NYAP1: variants seen among roughly 807,000 people sequenced by gnomAD.
NYAP1 encodes neuronal tyrosine-phosphorylated phosphoinositide-3-kinase adapter 1.
Under a neutral mutation model 58.6 loss-of-function variants are expected in NYAP1, and 20 were observed. The observed-to-expected ratio is 0.34, with a 90% CI of 0.24 to 0.50. The LOEUF (loss-of-function observed/expected upper bound fraction) is 0.50, where lower values mean the gene tolerates loss of function less well. Among genes scored for constraint, NYAP1 ranks in the 20% least tolerant of loss-of-function variants. The pLI is 0.98. For synonymous variants in NYAP1, 572 were observed against 523.1 expected, an observed-to-expected ratio of 1.09 and a Z score of -1.27; for missense variants, 1,150 against 1,194.5, an observed-to-expected ratio of 0.96 and a Z score of 0.55.
At chr7:100,489,774 C>A in intron 4 of NYAP1, 108 bp downstream of exon 4, 3 of 832,184 alleles carry the variant, frequency 3.6e-6, no homozygotes, top group Non-Finnish European at 5.3e-6. Context: ...AAGTCACAGC[C>A]TTGAGTCTGG....
rs150340305 is a variant in NYAP1, at chr7:100,488,645, G to A, written c.924G>A (p.Pro308=). 1,262 of 1,609,360 alleles carry A rather than the reference G, an allele frequency of 7.8e-4. 19 individuals are homozygous for A. The South Asian group carries it at 0.012, about 15-fold the overall frequency. ...ACCGCCGCCCAGCTTCAGCCCTCCC[G>A]AGCCGGAGGGACGGGACGCCCACCA... ...HAHRRPASAL[P]SRRDGTPTKT... The change falls in exon 4 of 7, where the codon CCG becomes CCA. Residue 308 remains proline, a synonymous_variant. Coordinates refer to ENST00000300179, the MANE Select transcript of NYAP1 (RefSeq NM_173564.4). The surrounding 1 kb of genome is among the most constrained non-coding windows in gnomAD (Gnocchi z 5.9).
chr7:100,493,634 C>A lies in NYAP1; in HGVS notation c.2269-12C>A. The A allele has an allele frequency of 6.4e-7, 1 of 1,561,338 alleles. No individual in the cohort carries two copies. Among genetic ancestry groups the A allele is most frequent in the African/African-American group, 1.4e-5 (1 of 73,196 alleles). On this transcript the variant is annotated splice_polypyrimidine_tract_variant and intron_variant, in intron 6 of 6. Transcript: ENST00000300179. ...TACCCGCGTTTTCCTTTCTCCCCCG[C>A]CCGCGGCACAGCCCCACCCCGCGCT... is the stretch of plus-strand genomic sequence containing the variant.
In NYAP1 at chr7:100,490,827, T is replaced by A; in HGVS notation, c.2158+98T>A. On this transcript the variant is annotated intron_variant, in intron 5 of 6. Transcript: ENST00000300179. The surrounding 1 kb of genome is among the most constrained non-coding windows in gnomAD (Gnocchi z 4.6). ...CCTGACTTCCTCTCACCTGTTCACG[T>A]CTGTGCCCAGGGCCCTAAATCCTCA... The A allele has an allele frequency of 8.2e-7, 1 of 1,221,074 alleles. No homozygotes were observed. 75.6% of individuals were successfully genotyped at this position (1,221,074 alleles called of 1,614,324 possible).
Position 100,489,321 on chromosome 7 carries a change from C to G in NYAP1, c.1600C>G (p.Pro534Ala). 3.1e-6 allele frequency: 5 copies of G among 1,605,714 alleles called. No individual in the cohort carries two copies. The highest frequency in any genetic ancestry group is 2.5e-6 in the Non-Finnish European group (3 of 1,176,900). ...VLHHRGCLAS[P>A]HSLPDPTVGP... ...CCACCACCGCGGCTGCCTGGCCTCCCCCCACAGCCTTCCGGACCCAACTGT... is the reference window on the plus strand; with the variant it reads ...CCACCACCGCGGCTGCCTGGCCTCCGCCCACAGCCTTCCGGACCCAACTGT... The change falls in exon 4 of 7, where the codon CCC (proline) becomes GCC (alanine). Residue 534 changes from proline (P) to alanine (A), a missense_variant. By Grantham distance (27) the Pro-to-Ala change is conservative. Transcript: ENST00000300179.
In NYAP1 at chr7:100,490,405, C is replaced by A; in HGVS notation, c.1946-112C>A. 1 of 1,004,702 alleles carries A rather than the reference C, an allele frequency of 1.0e-6. No individual in the cohort carries two copies. Among genetic ancestry groups the A allele is most frequent in the Non-Finnish European group, 1.5e-6 (1 of 655,578 alleles). 62.2% of individuals were successfully genotyped at this position (1,004,702 alleles called of 1,614,324 possible). On this transcript the variant is annotated intron_variant, in intron 4 of 6. Coordinates refer to ENST00000300179, the MANE Select transcript of NYAP1 (RefSeq NM_173564.4). This position sits in a 1 kb window ranked among gnomAD's most constrained non-coding sequence, Gnocchi z 4.6. ...GGAGCCCCATCCCAGCCGTTACTTG[C>A]AAAAGGGGCAATTGTGTCTCCTGGT...
In NYAP1 at chr7:100,486,947, C is replaced by T. The variant is rs748585881; in HGVS notation, c.195C>T (p.Ala65=). The T allele has an allele frequency of 6.2e-7, 1 of 1,605,036 alleles. No individual in the cohort carries two copies. Among genetic ancestry groups the T allele is most frequent in the South Asian group, 1.1e-5 (1 of 90,272 alleles). ...GGATGGGTTTCATGACGATGCCCGC[C>T]TCCCAGGAGCACACCCCGCACCCCT... The part of the protein sequence containing the change: ...SLRMGFMTMP[A]SQEHTPHPCR... The change falls in exon 3 of 7, where the codon GCC becomes GCT. Residue 65 remains alanine, a synonymous_variant. Transcript: ENST00000300179. The surrounding 1 kb of genome is among the most constrained non-coding windows in gnomAD (Gnocchi z 6.2).
At chr7:100,492,205 C>T (rs1799805636) in intron 6 of NYAP1, among the ~76,000 whole-genome samples, 2 of 151,716 alleles carry the variant, frequency 1.3e-5, no homozygotes, top group East Asian at 1.9e-4. Flanking sequence ...TGCCACTGCA[C>T]TCCAGCCTGG....
At position 100,489,199 on chromosome 7, in the gene NYAP1, C is replaced by T. The variant is rs1236639830; in HGVS notation, c.1478C>T (p.Ser493Leu). The T allele has an allele frequency of 8.7e-6, 14 of 1,610,406 alleles. No individual in the cohort carries two copies. Among genetic ancestry groups the T allele is most frequent in the African/African-American group, 1.3e-5 (1 of 74,898 alleles). ...AGEPKTEKEI[S>L]VLHGMLCTSS... is the part of the protein sequence containing the mutation. ...GAGCCAAAGACGGAGAAGGAGATCT[C>T]GGTCCTCCATGGGATGCTGTGTACC... Residue 493 changes from serine (S) to leucine (L), a missense_variant, in exon 4 of 7, where the codon TCG becomes TTG. Ser to Leu is a moderately radical substitution (Grantham distance 145). Transcript: ENST00000300179.
In NYAP1 at chr7:100,491,030, G is replaced by C; in HGVS notation, c.2203G>C (p.Gly735Arg). Residue 735 changes from glycine to arginine, a missense_variant, in exon 6 of 7, where the codon GGA becomes CGA. By Grantham distance (125) the Gly-to-Arg change is moderately radical. Coordinates refer to ENST00000300179, the MANE Select transcript of NYAP1 (RefSeq NM_173564.4). ...YRLGRSASTS[G>R]VRQVVLHTPR... ...CCTGGGGCGCTCCGCCTCCACCTCC[G>C]GAGTCCGGCAGGTCGTGCTCCACAC... 6.4e-7 allele frequency: 1 copy of C among 1,559,552 alleles called. No individual in the cohort carries two copies. The highest frequency in any genetic ancestry group is 8.7e-7 in the Non-Finnish European group (1 of 1,151,538).
Position 100,493,646 on chromosome 7 carries a change from C to A in NYAP1, c.2269C>A (p.Pro757Thr), listed in dbSNP as rs770738764. 2 of 1,575,228 alleles carry A rather than the reference C, an allele frequency of 1.3e-6. No homozygotes were observed. The highest frequency in any genetic ancestry group is 1.7e-6 in the Non-Finnish European group (2 of 1,167,122). Reference sequence around the variant, plus strand: ...CCTTTCTCCCCCGCCCGCGGCACAGCCCCACCCCGCGCTGCCGCTGCCTCT... The same window carrying A: ...CCTTTCTCCCCCGCCCGCGGCACAGACCCACCCCGCGCTGCCGCTGCCTCT... ...CSQPRDALSQ[P>T]HPALPLPLPL... The change falls in exon 7 of 7, where the codon CCC becomes ACC. Residue 757 changes from proline to threonine, a missense_variant and splice_region_variant. By Grantham distance (38) the Pro-to-Thr change is conservative. Transcript: ENST00000300179.
In NYAP1 at chr7:100,489,048, C is replaced by G. The variant is rs764160440; in HGVS notation, c.1327C>G (p.Pro443Ala). 8 of 1,542,744 alleles carry G rather than the reference C, an allele frequency of 5.2e-6. No homozygotes were observed. Among genetic ancestry groups the G allele is most frequent in the Non-Finnish European group, 6.1e-6 (7 of 1,147,162 alleles). ...GGCGGCGGGGGCGCCGGCAGCCCCC[C>G]CTGCCCCGGCCGCCTTGCTCCCCGG... ...PKAAGAPAAPPAPAALLPGPP... is the reference protein window; with the variant it reads ...PKAAGAPAAPAAPAALLPGPP... Residue 443 changes from proline (P) to alanine (A), a missense_variant, in exon 4 of 7, where the codon CCT becomes GCT. By Grantham distance (27) the Pro-to-Ala change is conservative. Coordinates refer to ENST00000300179, the MANE Select transcript of NYAP1 (RefSeq NM_173564.4).
At chr7:100,491,222 G>A (rs1206587667) in intron 6 of NYAP1, 127 bp downstream of exon 6, 2 of 619,982 alleles carry the variant, frequency 3.2e-6, no homozygotes, top group Non-Finnish European at 5.6e-6. Flanking sequence ...CACTTTGGGA[G>A]GCCAAGGTGG....
Position 100,488,144 on chromosome 7 carries a change from C to G in NYAP1, c.431-8C>G. On this transcript the variant is annotated splice_region_variant and splice_polypyrimidine_tract_variant and intron_variant, in intron 3 of 6. Transcript: ENST00000300179. This position sits in a 1 kb window ranked among gnomAD's most constrained non-coding sequence, Gnocchi z 5.9. The stretch of plus-strand genomic sequence containing the variant: ...CTGGTTTATTTTTCTCTTTCTTGTC[C>G]TGTCCAGGCTCACAGAAGCCAACCC... The G allele has an allele frequency of 6.4e-7, 1 of 1,568,026 alleles. No homozygotes were observed. Among genetic ancestry groups the G allele is most frequent in the Non-Finnish European group, 8.6e-7 (1 of 1,161,516 alleles).
intron 6 of NYAP1, among the ~76,000 whole-genome samples, chr7:100,491,553 C>T (rs761981161): frequency 1.7e-4 from 25 of 151,202 alleles, no homozygotes; most frequent in African/African-American, 4.9e-4. Flanking sequence ...GCCATGATCA[C>T]GCTACTGCGT....
chr7:100,492,583 C>T (rs954902628), intron 6 of NYAP1, among the ~76,000 whole-genome samples: 1 of 152,082 alleles, frequency 6.6e-6, no homozygotes, highest in Non-Finnish European at 1.5e-5. Context: ...GGTGTAAGGG[C>T]AAGACCGTGT....
chr7:100,488,578 C>T lies in NYAP1; in HGVS notation c.857C>T (p.Thr286Ile), dbSNP rs896624520. 1.9e-6 allele frequency: 3 copies of T among 1,591,606 alleles called. No homozygotes were observed. Among genetic ancestry groups the T allele is most frequent in the Admixed American group, 1.7e-5 (1 of 59,110 alleles). ...AATGGCCCTCCACCATTGACGGCAA[C>T]ATCCCCGCCACAACAGCCTCACGCC... ...RANGPPPLTA[T>I]SPPQQPHALP... Residue 286 changes from threonine (T) to isoleucine (I), a missense_variant, in exon 4 of 7, where the codon ACA becomes ATA. Thr to Ile is a moderately conservative substitution (Grantham distance 89). Transcript: ENST00000300179. This position sits in a 1 kb window ranked among gnomAD's most constrained non-coding sequence, Gnocchi z 5.9.
Position 100,487,300 on chromosome 7 carries a change from C to T in NYAP1, c.430+118C>T. 1.7e-6 allele frequency: 2 copies of T among 1,143,574 alleles called. No individual in the cohort carries two copies. The highest frequency in any genetic ancestry group is 2.3e-6 in the Non-Finnish European group (2 of 853,754). The allele number at this position is 1,143,574 out of a possible 1,614,324, so 70.8% of individuals were successfully genotyped here. A position where few individuals can be genotyped will look rare whatever the true frequency, so the allele number is the denominator to read the frequency against. On this transcript the variant is annotated intron_variant, in intron 3 of 6. Transcript: ENST00000300179. This position sits in a 1 kb window ranked among gnomAD's most constrained non-coding sequence, Gnocchi z 4.1. ...GGAAGAACCAAGGAAGTGGAAGATT[C>T]CATTCTCAAAAGGAATTGGGGGGGT... is the stretch of plus-strand genomic sequence containing the variant.
rs1799749486 is a variant in NYAP1, at chr7:100,489,032, G to C, written c.1311G>C (p.Gly437=). 6.5e-7 allele frequency: 1 copy of C among 1,547,330 alleles called. No homozygotes were observed. The highest frequency in any genetic ancestry group is 8.7e-7 in the Non-Finnish European group (1 of 1,151,364). ...GCATGATCTGCCCTAAGGCGGCGGGGGCGCCGGCAGCCCCCCCTGCCCCGG... is the reference window on the plus strand; with the variant it reads ...GCATGATCTGCCCTAAGGCGGCGGGCGCGCCGGCAGCCCCCCCTGCCCCGG... ...SHSMICPKAA[G]APAAPPAPAA... The change falls in exon 4 of 7, where the codon GGG becomes GGC. Residue 437 remains glycine (G), a synonymous_variant. Transcript: ENST00000300179.
chr7:100,493,976 C>T lies in NYAP1; in HGVS notation c.*73C>T. The stretch of plus-strand genomic sequence containing the variant: ...ACGCCTGGCTCTCCCGGGAGCCTCG[C>T]CTTGAGAGACATTGAAAGACTACGT... On this transcript the variant is annotated 3_prime_UTR_variant, in exon 7 of 7. Transcript: ENST00000300179. The T allele has an allele frequency of 1.6e-6, 2 of 1,266,406 alleles. No homozygotes were observed. The highest frequency in any genetic ancestry group is 2.1e-6 in the Non-Finnish European group (2 of 961,382). 78.4% of individuals were successfully genotyped at this position (1,266,406 alleles called of 1,614,324 possible).
Sources: gnomAD v4.1 joint callset for allele counts (sites outside exome capture counted in the v4.1 genomes callset) on GRCh38, gnomAD v4.1.1 for gene constraint, Gnocchi (gnomAD v3.1) non-coding constraint, MANE v1.5 for transcripts, NCBI Gene and HGNC (gene_info 2026-07-23, HGNC 2026-07-21) for gene names.